Variants in PCDHA1 observed in about 807,000 individuals in gnomAD.
PCDHA1 encodes the protein protocadherin alpha 1.
In PCDHA1, 42 loss-of-function variants were observed where a neutral mutation model predicts 61.3. The ratio of observed to expected loss-of-function variants is 0.69; its 90% CI spans 0.54 to 0.89. PCDHA1 has a LOEUF of 0.89. Among genes scored for constraint, PCDHA1 ranks in the 40% least tolerant of loss-of-function variants. The pLI, the probability that PCDHA1 is intolerant of heterozygous loss-of-function variation, is 0.00. For missense variants in PCDHA1, 1,256 were observed against 1,235.3 expected, an observed-to-expected ratio of 1.02 and a Z score of -0.25; for synonymous variants, 610 against 553.8, an observed-to-expected ratio of 1.10 and a Z score of -1.43.
At chr5:140,801,492 A>G in intron 1 of PCDHA1, 2 of 1,614,130 alleles carry the variant, frequency 1.2e-6, no homozygotes, top group Non-Finnish European at 1.7e-6. Flanking sequence ...GTGCGGGCGG[A>G]GCGCGGAGTG....
At chr5:140,882,259 G>A (rs1554173247) in intron 1 of PCDHA1, 1 of 1,603,126 alleles carries the variant, frequency 6.2e-7, no homozygotes, top group Non-Finnish European at 8.5e-7. Flanking sequence ...TGAGGTTTTT[G>A]GAGTGTACCA....
chr5:140,892,993 C>T (rs2063771968), intron 1 of PCDHA1, among the ~76,000 whole-genome samples: 1 of 152,170 alleles, frequency 6.6e-6, no homozygotes, highest in Non-Finnish European at 1.5e-5. Flanking sequence ...TAAGTGAGAA[C>T]ATGTATTTAT....
chr5:140,835,527 A>T, intron 1 of PCDHA1: 1 of 1,613,968 alleles, frequency 6.2e-7, no homozygotes, highest in Non-Finnish European at 8.5e-7. Context: ...TTTTGGAGTC[A>T]ACGGACAGGT....
At chr5:140,823,154 C>A in intron 1 of PCDHA1, 3 of 1,613,878 alleles carry the variant, frequency 1.9e-6, no homozygotes, top group Non-Finnish European at 2.5e-6. Flanking sequence ...CCCCAGTATA[C>A]CGTGTTCGTG....
At chr5:140,799,995 A>T (rs1272212542) in intron 1 of PCDHA1, among the ~76,000 whole-genome samples, 1 of 152,104 alleles carries the variant, frequency 6.6e-6, no homozygotes, top group Admixed American at 6.5e-5. Context: ...ATACTGGCTT[A>T]TGTTCCTAGG....
intron 1 of PCDHA1, among the ~76,000 whole-genome samples, chr5:140,896,219 T>A (rs1212681477): frequency 1.3e-5 from 2 of 152,252 alleles, no homozygotes; most frequent in African/African-American, 2.4e-5. Flanking sequence ...TACATGTGTC[T>A]TTATAGTAGA....
At chr5:140,967,680 G>A in intron 1 of PCDHA1, 4 of 1,614,228 alleles carry the variant, frequency 2.5e-6, no homozygotes, top group South Asian at 1.1e-5. Context: ...GACCGGGAGA[G>A]GCAGCTCTTC....
intron 1 of PCDHA1, chr5:140,829,130 G>A (rs2150162751): frequency 2.5e-6 from 4 of 1,612,556 alleles, no homozygotes; most frequent in Non-Finnish European, 3.4e-6. Flanking sequence ...AAATGATAAC[G>A]TCCCTGAGAT....
At chr5:140,808,715 G>A (rs782371086) in intron 1 of PCDHA1, 1 of 1,612,116 alleles carries the variant, frequency 6.2e-7, no homozygotes. Context: ...CTACGTTTCG[G>A]TGCATGCGGA....
intron 1 of PCDHA1, among the ~76,000 whole-genome samples, chr5:140,790,759 T>A (rs1017502189): frequency 6.6e-5 from 10 of 152,254 alleles, no homozygotes; most frequent in Admixed American, 5.9e-4. Context: ...TTACATACAT[T>A]CAATATTTCT....
intron 1 of PCDHA1, chr5:140,803,672 A>G: frequency 6.3e-7 from 1 of 1,593,880 alleles, no homozygotes; most frequent in Non-Finnish European, 8.6e-7. Context: ...AAATACATTA[A>G]TAGTTAAGTA....
intron 1 of PCDHA1, chr5:140,805,103 A>G (rs782491293): frequency 1.3e-6 from 2 of 1,591,506 alleles, no homozygotes; most frequent in East Asian, 2.2e-5. Context: ...TCTTGAAACT[A>G]TTGTCTAACA....
Position 140,846,415 on chromosome 5 carries a change from C to A in PCDHA1, c.2394+57731C>A, listed in dbSNP as rs1440795292. ...TTTGAGACGGAGTCTCGCTCTATCT[C>A]CCAGGCTGGAATGCAGTGGCGCAAT... On this transcript the variant is annotated intron_variant, in intron 1 of 3. Coordinates refer to ENST00000504120, the MANE Select transcript of PCDHA1 (RefSeq NM_018900.4). Among the ~76,000 whole-genome samples the A allele has an allele frequency of 3.7e-5, 5 of 135,678 alleles. 2 individuals carry two copies. Among genetic ancestry groups the A allele is most frequent in the Non-Finnish European group, 7.9e-5 (5 of 62,902 alleles). The allele number at this position is 135,678 out of a possible 152,430, so 89.0% of individuals were successfully genotyped here.
intron 1 of PCDHA1, chr5:140,875,355 T>A: frequency 6.9e-7 from 1 of 1,446,356 alleles, no homozygotes; most frequent in African/African-American, 1.4e-5. Context: ...ATGACTGTGA[T>A]GCTGGAAAAA....
At chr5:140,968,236 T>C in intron 1 of PCDHA1, 1 of 1,614,006 alleles carries the variant, frequency 6.2e-7, no homozygotes, top group East Asian at 2.2e-5. Flanking sequence ...TGCTCTGTAC[T>C]GTGCAAGCCA....
intron 1 of PCDHA1, chr5:140,858,289 T>G: frequency 6.3e-7 from 1 of 1,597,184 alleles, no homozygotes; most frequent in African/African-American, 1.3e-5. Context: ...GGAGCTGGTC[T>G]TACTCGCAGC....
Position 140,967,117 on chromosome 5 carries a change from C to T in PCDHA1, c.2395-11832C>T, listed in dbSNP as rs370329233. 7.4e-6 allele frequency: 12 copies of T among 1,612,904 alleles called. No individual in the cohort carries two copies. The East Asian group carries it at 1.6e-4, about 21-fold the overall frequency. On this transcript the variant is annotated intron_variant, in intron 1 of 3. Coordinates refer to ENST00000504120, the MANE Select transcript of PCDHA1 (RefSeq NM_018900.4). ...CGCTGTGTGAGCAGCGGCCTCGCTG[C>T]CTGCTCAGCTTGGAAGTGCTGGCGC...
chr5:140,968,966 T>C (rs781901506), intron 1 of PCDHA1: 1 of 1,614,216 alleles, frequency 6.2e-7, no homozygotes, highest in East Asian at 2.2e-5. Context: ...GTGCTACCGC[T>C]ACACTGCGTA....
chr5:140,850,242 C>T (rs2150475130), intron 1 of PCDHA1: 4 of 1,593,608 alleles, frequency 2.5e-6, no homozygotes, highest in African/African-American at 1.3e-5. Flanking sequence ...GATGGTGCTG[C>T]GGTCGGTGGG....
Sources: allele counts gnomAD v4.1 joint callset (sites outside exome capture counted in the v4.1 genomes callset), GRCh38; gene constraint gnomAD v4.1.1; transcripts MANE v1.5; gene names NCBI Gene and HGNC (gene_info 2026-07-23, HGNC 2026-07-21).